The following DGKD variants were observed in gnomAD, a reference collection of about 807,000 sequenced individuals.
DGKD encodes diacylglycerol kinase delta.
A neutral mutation model predicts 154.4 loss-of-function variants in DGKD; 68 were observed. That is an observed-to-expected ratio of 0.44 (90% CI 0.36 to 0.54). The LOEUF (loss-of-function observed/expected upper bound fraction) is 0.54. Among genes scored for constraint, DGKD ranks in the 20% least tolerant of loss-of-function variants. The pLI, the probability that DGKD is intolerant of heterozygous loss-of-function variation, is 0.00. For synonymous variants in DGKD, 693 were observed against 638.0 expected (o/e 1.09, Z -1.30); for missense variants, 1,343 against 1,593.6 (o/e 0.84, Z 2.68).
chr2:233,384,679 C>G (rs1023423760), intron 1 of DGKD, among the ~76,000 whole-genome samples: 1 of 152,168 alleles, frequency 6.6e-6, no homozygotes, highest in African/African-American at 2.4e-5. Context: ...TCCATCTCTC[C>G]CCTGCCACCC....
At chr2:233,401,576 C>G (rs2061558271) in intron 3 of DGKD, among the ~76,000 whole-genome samples, 1 of 152,062 alleles carries the variant, frequency 6.6e-6, no homozygotes. Context: ...TGGAATATGC[C>G]TGAAATACAG....
chr2:233,436,027 A>T, intron 6 of DGKD, 103 bp downstream of exon 6: 1 of 1,258,712 alleles, frequency 7.9e-7, no homozygotes, highest in Non-Finnish European at 1.1e-6. Flanking sequence ...GTTTCATTTG[A>T]GATGGTCACA....
chr2:233,428,998 T>C (rs1233594011), intron 3 of DGKD, among the ~76,000 whole-genome samples: 1 of 152,214 alleles, frequency 6.6e-6, no homozygotes, highest in Non-Finnish European at 1.5e-5. Flanking sequence ...ATGATGCCAT[T>C]GGTCACTTGT....
At chr2:233,376,945 T>C (rs1019402425) in intron 1 of DGKD, among the ~76,000 whole-genome samples, 2 of 152,156 alleles carry the variant, frequency 1.3e-5, no homozygotes, top group African/African-American at 4.8e-5. Flanking sequence ...AGGTAACCAC[T>C]TAACCATTTT....
chr2:233,372,734 T>C (rs1702384471), intron 1 of DGKD, among the ~76,000 whole-genome samples: 2 of 152,192 alleles, frequency 1.3e-5, no homozygotes, highest in South Asian at 4.1e-4. Flanking sequence ...TAGAAACTCC[T>C]TGGTAGTTAA....
At chr2:233,447,832 G>A (rs1053031170) in intron 12 of DGKD, 19 of 1,294,130 alleles carry the variant, frequency 1.5e-5, no homozygotes, top group South Asian at 4.8e-5. Context: ...TGCTGGGATC[G>A]CAGACTGAAG....
rs949392752 is a variant in DGKD at position 233,460,287 on chromosome 2, G to A, written c.2923G>A (p.Glu975Lys). 3.1e-6 allele frequency: 5 copies of A among 1,613,982 alleles called. No individual in the cohort carries two copies. The highest frequency in any genetic ancestry group is 2.2e-5 in the East Asian group (1 of 44,822). The change falls in exon 24 of 30, where the codon GAG becomes AAG. Residue 975 changes from glutamate (E) to lysine (K), a missense_variant. Glu to Lys is a moderately conservative substitution (Grantham distance 56). This residue lies in a region of DGKD where 429 missense variants were observed against 496.3 expected (regional missense o/e 0.86). Transcript: ENST00000264057. ...TTCCCTGCACCCGGAGATGCTGTCC[G>A]AGGAGGAGGCCACCCAGATGGACCA... The part of the protein sequence containing the change: ...SCSLHPEMLS[E>K]EEATQMDQFG...
Position 233,441,804 on chromosome 2 carries a change from G to C in DGKD, c.1086-83G>C. ...CAGGTCAGCCATGAGGAGCACAGGT[G>C]GCCCCTCAGCCCCGTACTGACAAGC... is the stretch of plus-strand genomic sequence containing the variant. On this transcript the variant is annotated intron_variant, in intron 9 of 29. Coordinates refer to ENST00000264057, the MANE Select transcript of DGKD (RefSeq NM_152879.3). The surrounding 1 kb of genome is among the most constrained non-coding windows in gnomAD (Gnocchi z 5.6). 1 of 1,278,742 alleles carries C rather than the reference G, an allele frequency of 7.8e-7. No homozygotes were observed. 79.2% of individuals were successfully genotyped at this position (1,278,742 alleles called of 1,614,324 possible).
intron 3 of DGKD, among the ~76,000 whole-genome samples, chr2:233,412,074 A>C (rs1180861868): frequency 1.3e-5 from 2 of 152,180 alleles, no homozygotes; most frequent in Admixed American, 6.5e-5. Context: ...CTTTTCTAAC[A>C]TAGCTTTATT....
At chr2:233,402,241 G>A (rs959341467) in intron 3 of DGKD, among the ~76,000 whole-genome samples, 13 of 152,184 alleles carry the variant, frequency 8.5e-5, no homozygotes, top group African/African-American at 2.4e-4. Context: ...GGCCATGCCC[G>A]AGCACCTTTT....
chr2:233,421,707 C>T (rs2062121014), intron 3 of DGKD, among the ~76,000 whole-genome samples: 1 of 152,176 alleles, frequency 6.6e-6, no homozygotes, highest in Non-Finnish European at 1.5e-5. Context: ...AGTCCCCTGG[C>T]CCCCAGACCT....
At chr2:233,453,737 C>A (rs754308233) in intron 18 of DGKD, among the ~76,000 whole-genome samples, 1 of 152,134 alleles carries the variant, frequency 6.6e-6, no homozygotes, top group East Asian at 1.9e-4. Context: ...CCAGTGTGAC[C>A]CTGGGGTTGG....
At chr2:233,415,143 C>T (rs1663301642) in intron 3 of DGKD, among the ~76,000 whole-genome samples, 1 of 152,186 alleles carries the variant, frequency 6.6e-6, no homozygotes, top group Non-Finnish European at 1.5e-5. Context: ...CTTGAGAGCA[C>T]CCTCACACAG....
In DGKD at chr2:233,434,750, C is replaced by T; in HGVS notation, c.454-19C>T. On this transcript the variant is annotated intron_variant, in intron 4 of 29. Transcript: ENST00000264057. ...AAAAGAGAAGTCTTATCTTTGCCCT[C>T]TTGGTTTCGTTCTTCCAGCCCACCC... 1.3e-6 allele frequency: 2 copies of T among 1,599,736 alleles called. No homozygotes were observed. The highest frequency in any genetic ancestry group is 1.7e-6 in the Non-Finnish European group (2 of 1,172,996).
chr2:233,368,640 A>G (rs1450127166), intron 1 of DGKD, among the ~76,000 whole-genome samples: 1 of 152,238 alleles, frequency 6.6e-6, no homozygotes, highest in Non-Finnish European at 1.5e-5. Flanking sequence ...TTTGGTAAAT[A>G]GTCATCCCCA....
Position 233,445,523 on chromosome 2 carries a change from T to A in DGKD, c.1195-100T>A. ...GTTTTAGGTCACGTCCCCACATTGCTAACGTAACCCTCACGGTGGGGGACA... is the reference window on the plus strand; with the variant it reads ...GTTTTAGGTCACGTCCCCACATTGCAAACGTAACCCTCACGGTGGGGGACA... On this transcript the variant is annotated intron_variant, in intron 10 of 29. Coordinates refer to ENST00000264057, the MANE Select transcript of DGKD (RefSeq NM_152879.3). The surrounding 1 kb of genome is among the most constrained non-coding windows in gnomAD (Gnocchi z 5.5). 1 of 1,467,256 alleles carries A rather than the reference T, an allele frequency of 6.8e-7. No individual in the cohort carries two copies. 90.9% of individuals were successfully genotyped at this position (1,467,256 alleles called of 1,614,324 possible).
intron 3 of DGKD, among the ~76,000 whole-genome samples, chr2:233,414,283 T>C (rs2061902592): frequency 6.6e-6 from 1 of 152,212 alleles, no homozygotes; most frequent in East Asian, 1.9e-4. Context: ...ACTTATCCTT[T>C]GCATCCTAAG....
chr2:233,437,079 T>C (rs903638276), intron 7 of DGKD, among the ~76,000 whole-genome samples: 1 of 152,138 alleles, frequency 6.6e-6, no homozygotes, highest in African/African-American at 2.4e-5. Context: ...TCCTGAAAGT[T>C]TGAGGTAGCT....
intron 4 of DGKD, 88 bp downstream of exon 4, chr2:233,434,572 C>A: frequency 6.9e-7 from 1 of 1,444,730 alleles, no homozygotes. Context: ...CACGTGCGGA[C>A]CCACAGTCTG....
Sources: allele counts gnomAD v4.1 joint callset (sites outside exome capture counted in the v4.1 genomes callset), GRCh38; gene constraint gnomAD v4.1.1; regional missense constraint gnomAD v4.1.1; non-coding constraint Gnocchi (gnomAD v3.1); transcripts MANE v1.5; gene names NCBI Gene and HGNC (gene_info 2026-07-23, HGNC 2026-07-21).